The following ZPLD1 variants were observed in gnomAD, a reference collection of about 807,000 sequenced individuals.
The protein encoded by ZPLD1 is zona pellucida-like domain-containing protein 1.
A neutral mutation model predicts 47.2 loss-of-function variants in ZPLD1; 34 were observed. That is an observed-to-expected ratio of 0.72 (90% CI 0.55 to 0.96). The LOEUF is 0.96. Among genes scored for constraint, ZPLD1 ranks in the 40% least tolerant of loss-of-function variants. The pLI, the probability that ZPLD1 is intolerant of heterozygous loss-of-function variation, is 0.00. For synonymous variants in ZPLD1, 176 were observed against 186.2 expected, an observed-to-expected ratio of 0.95 and a Z score of 0.45; for missense variants, 512 against 505.8, an observed-to-expected ratio of 1.01 and a Z score of -0.12.
At chr3:102,433,535 C>T (rs931596087), upstream of ZPLD1, among the ~76,000 whole-genome samples, 2 of 152,046 alleles carry the variant, frequency 1.3e-5, no homozygotes, top group African/African-American at 2.4e-5. Flanking sequence ...TATTCTTTTT[C>T]TTTTTGTCTT....
At chr3:102,427,348 T>C (rs1706960880) in intron 8 of ZPLD1, among the ~76,000 whole-genome samples, 2 of 152,196 alleles carry the variant, frequency 1.3e-5, no homozygotes. Context: ...TTTAGCAACA[T>C]GGAGATTAGG....
chr3:102,460,526 T>C (rs1455460460), intron 6 of ZPLD1, among the ~76,000 whole-genome samples: 1 of 152,008 alleles, frequency 6.6e-6, no homozygotes, highest in African/African-American at 2.4e-5. Context: ...CTTTGTGTAT[T>C]GGAATTCTAC....
intron 6 of ZPLD1, among the ~76,000 whole-genome samples, chr3:102,461,985 A>G (rs977370929): frequency 1.3e-5 from 2 of 152,070 alleles, no homozygotes; most frequent in African/African-American, 4.8e-5. Flanking sequence ...ATATTAACCA[A>G]ACTGAATATT....
chr3:102,421,237 A>G (rs988016610), intron 8 of ZPLD1, among the ~76,000 whole-genome samples: 7 of 151,912 alleles, frequency 4.6e-5, no homozygotes, highest in Admixed American at 1.3e-4. Flanking sequence ...TGAACACACC[A>G]TCATTACATG....
At chr3:102,419,037 G>A (rs1228034012) in intron 8 of ZPLD1, among the ~76,000 whole-genome samples, 5 of 151,840 alleles carry the variant, frequency 3.3e-5, no homozygotes, top group Non-Finnish European at 7.4e-5. Context: ...TGGTTTTCAG[G>A]GTTATGACAT....
In ZPLD1 at chr3:102,436,982, A is replaced by C; in HGVS notation, c.-9+9A>C. 1.0e-6 allele frequency: 1 copy of C among 972,590 alleles called. No homozygotes were observed. Among genetic ancestry groups the C allele is most frequent in the Non-Finnish European group, 1.2e-6 (1 of 818,110 alleles). The allele number at this position is 972,590 out of a possible 1,614,324, so 60.2% of individuals were successfully genotyped here. A position where few individuals can be genotyped will look rare whatever the true frequency, so the allele number is the denominator to read the frequency against. ...TGGAGCATGGAATAAATGTGGGTGC[A>C]GTGGAGTGTATTGCTTATTCAGGCT... On this transcript the variant is annotated intron_variant, in intron 2 of 11. Transcript: ENST00000466937.
intron 3 of ZPLD1, among the ~76,000 whole-genome samples, chr3:102,452,230 G>C (rs1057091827): frequency 2.1e-5 from 3 of 144,006 alleles, no homozygotes; most frequent in Non-Finnish European, 3.0e-5. Context: ...TGCAAATTGT[G>C]TTTTACATTT....
intron 7 of ZPLD1, among the ~76,000 whole-genome samples, chr3:102,462,697 G>T (rs1559759573): frequency 1.3e-5 from 2 of 151,982 alleles, no homozygotes; most frequent in Non-Finnish European, 2.9e-5. Context: ...TAGTCATTCT[G>T]TGAACACTTG....
chr3:102,401,120 A>G (rs1385767263), intron 7 of ZPLD1, among the ~76,000 whole-genome samples: 1 of 152,074 alleles, frequency 6.6e-6, no homozygotes, highest in African/African-American at 2.4e-5. Context: ...AAAAGCATCA[A>G]AAACTTGCCA....
chr3:102,411,975 A>G (rs1173547071), intron 7 of ZPLD1, among the ~76,000 whole-genome samples: 2 of 151,742 alleles, frequency 1.3e-5, no homozygotes, highest in Non-Finnish European at 3.0e-5. Flanking sequence ...TGTAGGGCGG[A>G]CTGGCAGGCT....
At chr3:102,415,335 G>T (rs1031927528) in intron 7 of ZPLD1, among the ~76,000 whole-genome samples, 3 of 151,788 alleles carry the variant, frequency 2.0e-5, no homozygotes, top group South Asian at 2.1e-4. Context: ...GGGCCAGGGT[G>T]GGGGATGAGG....
intron 7 of ZPLD1, among the ~76,000 whole-genome samples, chr3:102,400,579 A>G (rs1043198778): frequency 2.6e-5 from 4 of 151,946 alleles, no homozygotes; most frequent in African/African-American, 9.7e-5. Flanking sequence ...TCCCCTGACT[A>G]TATCTCTCCC....
chr3:102,472,269 C>G (rs948925098), intron 10 of ZPLD1, among the ~76,000 whole-genome samples: 53 of 152,244 alleles, frequency 3.5e-4, no homozygotes, highest in African/African-American at 1.2e-3. Context: ...CGGTGGCTCA[C>G]GCCTGTAATC....
chr3:102,465,559 G>C (rs1016380820), intron 8 of ZPLD1, among the ~76,000 whole-genome samples: 1 of 152,102 alleles, frequency 6.6e-6, no homozygotes, highest in Admixed American at 6.5e-5. Context: ...TTTTATGCTT[G>C]GTAGGGTTAT....
rs570155795 is a variant in ZPLD1 at position 102,407,634 on chromosome 3, C to G, written c.-156-10426C>G. 2.4e-4 allele frequency among the ~76,000 whole-genome samples: 36 copies of G among 151,206 alleles called. 1 individual carries two copies. In the South Asian group the frequency reaches 7.1e-3, roughly 30 times the overall value. The stretch of plus-strand genomic sequence containing the variant: ...TTGATATTTTGCTATTTACTAGAAA[C>G]TCTTTTAGGCAGTAGTCATGAACAC... On this transcript the variant is annotated intron_variant, in intron 7 of 17. Transcript: ENST00000491959.
chr3:102,469,019 C>T lies in ZPLD1; in HGVS notation c.817C>T (p.Arg273Trp), dbSNP rs534917731. 15 of 1,614,072 alleles carry T rather than the reference C, an allele frequency of 9.3e-6. No individual in the cohort carries two copies. Among genetic ancestry groups the T allele is most frequent in the East Asian group, 2.2e-5 (1 of 44,866 alleles). Residue 273 changes from arginine (R) to tryptophan (W), a missense_variant, in exon 9 of 12, where the codon CGG becomes TGG. Physicochemically the swap from Arg to Trp is moderately radical, Grantham distance 101. Transcript: ENST00000466937. ...TGAGAATGGCCGAAGCCAGCGGGGCCGGTTTTCTTTTGAAGTGTTCCGATT... is the reference window on the plus strand; with the variant it reads ...TGAGAATGGCCGAAGCCAGCGGGGCTGGTTTTCTTTTGAAGTGTTCCGATT... ...VIENGRSQRGRFSFEVFRFVK... is the reference protein window; with the variant it reads ...VIENGRSQRGWFSFEVFRFVK...
At position 102,469,048 on chromosome 3, in the gene ZPLD1, G is replaced by T. The variant is rs1316965701; in HGVS notation, c.846G>T (p.Val282=). 1.9e-6 allele frequency: 3 copies of T among 1,614,020 alleles called. No homozygotes were observed. The South Asian group carries it at 3.3e-5, about 18-fold the overall frequency. The part of the protein sequence containing the change: ...GRFSFEVFRF[V]KHKNQKMSTV... Reference sequence around the variant, plus strand: ...TTTCTTTTGAAGTGTTCCGATTTGTGAAACACAAGAATCAGAAAATGTCCA... The same window carrying T: ...TTTCTTTTGAAGTGTTCCGATTTGTTAAACACAAGAATCAGAAAATGTCCA... Residue 282 remains valine (V), a synonymous_variant, in exon 9 of 12, where the codon GTG becomes GTT. Transcript: ENST00000466937.
intron 8 of ZPLD1, among the ~76,000 whole-genome samples, chr3:102,427,402 A>T (rs1706961601): frequency 6.6e-6 from 1 of 152,144 alleles, no homozygotes; most frequent in Admixed American, 6.6e-5. Flanking sequence ...CAATGACCAG[A>T]GGTAGATATG....
chr3:102,436,483 G>A (rs760040157), intron 1 of ZPLD1, among the ~76,000 whole-genome samples: 4 of 152,136 alleles, frequency 2.6e-5, no homozygotes, highest in Non-Finnish European at 5.9e-5. Flanking sequence ...AAAGAAAACA[G>A]CTGATGATAA....
Sources: allele counts gnomAD v4.1 joint callset (sites outside exome capture counted in the v4.1 genomes callset), GRCh38; gene constraint gnomAD v4.1.1; transcripts MANE v1.5; gene names NCBI Gene and HGNC (gene_info 2026-07-23, HGNC 2026-07-21).